Variants in VRTN observed in about 807,000 individuals in gnomAD.
The protein encoded by VRTN is vertebrae development associated.
VRTN carries 5 observed loss-of-function variants against 18.2 expected under a neutral mutation model. That is an observed-to-expected ratio of 0.27 (90% CI 0.14 to 0.58). The LOEUF (loss-of-function observed/expected upper bound fraction) is 0.58, where lower values mean the gene tolerates loss of function less well. VRTN is among the 20% of genes least tolerant of loss of function. The pLI is 0.91. For synonymous variants in VRTN, 381 were observed against 393.7 expected, an observed-to-expected ratio of 0.97 and a Z score of 0.38; for missense variants, 741 against 939.4, an observed-to-expected ratio of 0.79 and a Z score of 2.76.
intron 2 of VRTN, among the ~76,000 whole-genome samples, chr14:74,342,670 C>T (rs1205062281): frequency 1.3e-5 from 2 of 151,780 alleles, no homozygotes; most frequent in East Asian, 3.9e-4. Flanking sequence ...CAGGGTCTCA[C>T]TCTGTCACCC....
At chr14:74,347,686 G>A (rs1257766881), upstream of VRTN, among the ~76,000 whole-genome samples, 2 of 152,218 alleles carry the variant, frequency 1.3e-5, no homozygotes, top group East Asian at 1.9e-4. Context: ...CCATCAGCAG[G>A]GGCTGGACTG....
intron 1 of VRTN, chr14:74,303,213 A>G (rs944135143): frequency 8.5e-6 from 3 of 352,882 alleles, no homozygotes; most frequent in Admixed American, 4.7e-5. Context: ...TAGATGTTTT[A>G]CATATTCTCC....
intron 1 of VRTN, among the ~76,000 whole-genome samples, chr14:74,304,148 G>C (rs1281857650): frequency 6.6e-6 from 1 of 151,498 alleles, no homozygotes; most frequent in African/African-American, 2.4e-5. Context: ...ACCGCTCCTG[G>C]CCTTTTTTTG....
intron 1 of VRTN, among the ~76,000 whole-genome samples, chr14:74,309,199 C>G (rs1472467071): frequency 2.0e-5 from 3 of 152,110 alleles, no homozygotes; most frequent in Non-Finnish European, 2.9e-5. Context: ...TTTCCTGCTT[C>G]TAGCATTTAT....
Position 74,357,837 on chromosome 14 carries a change from C to T in VRTN, c.1054C>T (p.His352Tyr). 6.2e-7 allele frequency: 1 copy of T among 1,613,734 alleles called. No homozygotes were observed. Among genetic ancestry groups the T allele is most frequent in the Non-Finnish European group, 8.5e-7 (1 of 1,180,036 alleles). Reference protein sequence around the residue: ...ISRSTYYAWKHELLGSGTCPA... With the variant: ...ISRSTYYAWKYELLGSGTCPA... ...CCGCTCAACCTACTATGCCTGGAAG[C>T]ATGAGCTGCTGGGCTCTGGCACCTG... is the stretch of plus-strand genomic sequence containing the variant. Residue 352 changes from histidine (H) to tyrosine (Y), a missense_variant, in exon 2 of 2, where the codon CAT (histidine) becomes TAT (tyrosine). Physicochemically the swap from His to Tyr is moderately conservative, Grantham distance 83. Coordinates refer to ENST00000256362, the MANE Select transcript of VRTN (RefSeq NM_018228.3). This position sits in a 1 kb window ranked among gnomAD's most constrained non-coding sequence, Gnocchi z 7.8.
intron 1 of VRTN, among the ~76,000 whole-genome samples, chr14:74,304,257 A>G (rs2085268823): frequency 6.6e-6 from 1 of 151,784 alleles, no homozygotes; most frequent in South Asian, 2.1e-4. Flanking sequence ...CCCGGGTTCA[A>G]GCGATTCTCC....
chr14:74,333,783 T>A (rs968720899), intron 1 of VRTN, among the ~76,000 whole-genome samples: 5 of 151,238 alleles, frequency 3.3e-5, no homozygotes, highest in Admixed American at 3.3e-4. Flanking sequence ...GAGGTTGCGG[T>A]GAGCCAAGAT....
At chr14:74,345,346 ATTTTT>A (rs34124259), upstream of VRTN, among the ~76,000 whole-genome samples, 3 of 94,644 alleles carry the variant, frequency 3.2e-5, no homozygotes, top group Admixed American at 1.2e-4. Context: ...CACCCTGCCT[ATTTTT>A]TTTTTTTTTT....
At chr14:74,344,828 G>A (rs1215950115), upstream of VRTN, among the ~76,000 whole-genome samples, 1 of 150,262 alleles carries the variant, frequency 6.7e-6, no homozygotes, top group Non-Finnish European at 1.5e-5. Flanking sequence ...ATAAAAAAAT[G>A]AAGTGAAAAA....
rs113483708 is a variant in VRTN, at chr14:74,349,117, A to G, written c.-2+465A>G. Among the ~76,000 whole-genome samples, 9 of 152,194 alleles carry G rather than the reference A, an allele frequency of 5.9e-5. No individual in the cohort carries two copies. The East Asian group carries it at 7.7e-4, about 13-fold the overall frequency. On this transcript the variant is annotated intron_variant, in intron 1 of 1. Coordinates refer to ENST00000256362, the MANE Select transcript of VRTN (RefSeq NM_018228.3). ...TTCCTCCCTTCCAAACACGTGGTCC[A>G]GTAGAGCAACTGAACTGGGCTGGAT... is the stretch of plus-strand genomic sequence containing the variant.
chr14:74,332,311 C>A (rs1168043445), intron 1 of VRTN, among the ~76,000 whole-genome samples: 1 of 145,598 alleles, frequency 6.9e-6, no homozygotes, highest in South Asian at 2.2e-4. Flanking sequence ...ACCTTTCCCC[C>A]TCCGGAGGAT....
chr14:74,358,821 C>A lies in VRTN; in HGVS notation c.2038C>A (p.Leu680Ile), dbSNP rs767148950. 6.2e-7 allele frequency: 1 copy of A among 1,614,204 alleles called. No homozygotes were observed. The highest frequency in any genetic ancestry group is 8.5e-7 in the Non-Finnish European group (1 of 1,180,020). Residue 680 changes from leucine (L) to isoleucine (I), a missense_variant, in exon 2 of 2, where the codon CTC becomes ATC. Leu to Ile is a conservative substitution (Grantham distance 5). Transcript: ENST00000256362. The surrounding 1 kb of genome is among the most constrained non-coding windows in gnomAD (Gnocchi z 5.4). ...SYKEFSALFP[L>I]TARSTYYMWK... ...CAAGGAGTTCAGTGCCCTCTTTCCC[C>A]TCACTGCCCGCTCCACATACTACAT...
chr14:74,348,623 A>G lies in VRTN; in HGVS notation c.-31A>G, dbSNP rs1232928212. The G allele has an allele frequency of 6.6e-6, 1 of 152,318 alleles. No individual in the cohort carries two copies. Among genetic ancestry groups the G allele is most frequent in the African/African-American group, 2.4e-5 (1 of 41,460 alleles). 9.4% of individuals were successfully genotyped at this position (152,318 alleles called of 1,614,324 possible). ...GGCTGGAAGGTGGAGCGAGAAGTGG[A>G]TGCCCCCAGGGCTCTGGGTCACACT... is the stretch of plus-strand genomic sequence containing the variant. On this transcript the variant is annotated 5_prime_UTR_variant, in exon 1 of 2. The change abolishes an upstream ATG in the 5' untranslated region. Coordinates refer to ENST00000256362, the MANE Select transcript of VRTN (RefSeq NM_018228.3).
At chr14:74,350,881 T>C (rs2085678673) in intron 1 of VRTN, among the ~76,000 whole-genome samples, 1 of 152,222 alleles carries the variant, frequency 6.6e-6, no homozygotes. Context: ...TTGTTAACAC[T>C]TCAGGGAACA....
intron 2 of VRTN, among the ~76,000 whole-genome samples, chr14:74,338,193 T>C (rs1355662252): frequency 6.6e-6 from 1 of 152,196 alleles, no homozygotes; most frequent in East Asian, 1.9e-4. Context: ...AAATTTAACA[T>C]TAATTGCTTC....
At chr14:74,330,680 A>G (rs570721943) in intron 1 of VRTN, among the ~76,000 whole-genome samples, 1 of 151,614 alleles carries the variant, frequency 6.6e-6, no homozygotes, top group African/African-American at 2.4e-5. Flanking sequence ...ACCTCAGGTG[A>G]TCCGCCTGCC....
At chr14:74,344,913 C>T (rs1235150646), upstream of VRTN, among the ~76,000 whole-genome samples, 1 of 152,060 alleles carries the variant, frequency 6.6e-6, no homozygotes, top group Non-Finnish European at 1.5e-5. Context: ...GTCTCTGATA[C>T]TTGCTTGTTT....
At chr14:74,332,369 T>TTTTTTTTTTTTTTG in intron 1 of VRTN, among the ~76,000 whole-genome samples, 1 of 86,346 alleles carries the variant, frequency 1.2e-5, no homozygotes, top group Non-Finnish European at 2.3e-5. Flanking sequence ...TTTTTTTTTT[T>TTTTTTTTTTTTTTG]TTTTTTTAGA....
At chr14:74,332,357 T>G (rs1001733353) in intron 1 of VRTN, among the ~76,000 whole-genome samples, 1 of 129,336 alleles carries the variant, frequency 7.7e-6, no homozygotes, top group Non-Finnish European at 1.6e-5. Flanking sequence ...TTTTTTTTTT[T>G]TTTTTTTTTT....
Sources: allele counts gnomAD v4.1 joint callset (sites outside exome capture counted in the v4.1 genomes callset), GRCh38; gene constraint gnomAD v4.1.1; non-coding constraint Gnocchi (gnomAD v3.1); transcripts MANE v1.5; gene names NCBI Gene and HGNC (gene_info 2026-07-23, HGNC 2026-07-21).